Variants in ABCC4 observed in about 807,000 individuals in gnomAD.
ABCC4 encodes ATP-binding cassette sub-family C member 4.
Under a neutral mutation model 168.5 loss-of-function variants are expected in ABCC4, and 102 were observed. That is an observed-to-expected ratio of 0.61 (90% CI 0.52 to 0.71). The LOEUF is 0.71. Among genes scored for constraint, ABCC4 ranks in the 30% least tolerant of loss-of-function variants. The probability of loss-of-function intolerance (pLI) is 0.00; values close to 1 mark genes in which losing one functional copy is unlikely to be tolerated. For missense variants in ABCC4, 1,402 were observed against 1,605.8 expected (o/e 0.87, Z 2.17); for synonymous variants, 617 against 590.7 (o/e 1.04, Z -0.65).
At chr13:95,114,068 T>TAAC (rs1332131921) in intron 20 of ABCC4, among the ~76,000 whole-genome samples, 1 of 152,136 alleles carries the variant, frequency 6.6e-6, no homozygotes, top group Non-Finnish European at 1.5e-5. Context: ...TTGGAGACAA[T>TAAC]AACATTAGGA....
At chr13:95,026,410 C>T (rs1869257303) in intron 30 of ABCC4, among the ~76,000 whole-genome samples, 1 of 151,554 alleles carries the variant, frequency 6.6e-6, no homozygotes, top group Non-Finnish European at 1.5e-5. Context: ...AATAGCTTTA[C>T]AAAATAGACA....
chr13:95,118,235 CA>C (rs985565379), intron 19 of ABCC4, among the ~76,000 whole-genome samples: 1 of 142,638 alleles, frequency 7.0e-6, no homozygotes, highest in African/African-American at 2.6e-5. Context: ...CTGGTGTTTG[CA>C]AAAAGAATAA....
At chr13:95,226,834 G>A (rs1028203736) in intron 4 of ABCC4, among the ~76,000 whole-genome samples, 5 of 152,294 alleles carry the variant, frequency 3.3e-5, no homozygotes, top group Non-Finnish European at 4.4e-5. Context: ...CTACAAGTCC[G>A]AAGGAGTTAT....
intron 3 of ABCC4, among the ~76,000 whole-genome samples, chr13:95,241,119 C>T (rs2039929781): frequency 6.6e-6 from 1 of 152,028 alleles, no homozygotes; most frequent in Non-Finnish European, 1.5e-5. Flanking sequence ...AATCCCAGCA[C>T]TCTGGGAGGC....
At chr13:95,210,913 A>T in intron 4 of ABCC4, 132 bp from the exon 5 acceptor site, 1 of 568,600 alleles carries the variant, frequency 1.8e-6, no homozygotes, top group Non-Finnish European at 3.1e-6. Flanking sequence ...CCACCCCCCC[A>T]CTGCCCCCTC....
intron 13 of ABCC4, among the ~76,000 whole-genome samples, chr13:95,171,220 T>G (rs375187374): frequency 1.3e-5 from 2 of 151,578 alleles, no homozygotes; most frequent in Non-Finnish European, 2.9e-5. Flanking sequence ...CTCTCATTAG[T>G]CCTAAACAGT....
chr13:95,092,961 G>A (rs1413912867), intron 20 of ABCC4, among the ~76,000 whole-genome samples: 1 of 152,014 alleles, frequency 6.6e-6, no homozygotes, highest in East Asian at 1.9e-4. Context: ...ATAAATTCCT[G>A]GAAAAATACA....
intron 19 of ABCC4, among the ~76,000 whole-genome samples, chr13:95,149,307 G>C (rs1303184191): frequency 5.3e-5 from 8 of 152,120 alleles, no homozygotes; most frequent in Non-Finnish European, 8.8e-5. Context: ...GCACCAATAA[G>C]AAATACTTCT....
At chr13:95,146,924 C>A (rs1424171862) in intron 19 of ABCC4, among the ~76,000 whole-genome samples, 1 of 152,172 alleles carries the variant, frequency 6.6e-6, no homozygotes, top group Non-Finnish European at 1.5e-5. Flanking sequence ...TACAACAGAC[C>A]TCTAAAACAT....
chr13:95,053,870 A>G (rs9302044), intron 26 of ABCC4: 24,178 of 151,610 alleles, frequency 0.16, 2,219 homozygotes, highest in African/African-American at 0.25. Flanking sequence ...CCAGCTACTT[A>G]GGAGGCTGAG....
chr13:95,022,836 T>G (rs2031170529), intron 30 of ABCC4, among the ~76,000 whole-genome samples: 2 of 152,244 alleles, frequency 1.3e-5, no homozygotes, highest in Admixed American at 1.3e-4. Flanking sequence ...GTACTTTCTT[T>G]TTCTCTCACT....
intron 24 of ABCC4, among the ~76,000 whole-genome samples, chr13:95,072,477 C>CA (rs1381450723): frequency 1.3e-5 from 2 of 151,960 alleles, no homozygotes; most frequent in Non-Finnish European, 2.9e-5. Flanking sequence ...CCCTACCCCC[C>CA]AAAAAAGAAT....
In ABCC4 at chr13:95,047,311, T is replaced by G. The variant is rs531069241; in HGVS notation, c.3457-2873A>C. Among the ~76,000 whole-genome samples the G allele has an allele frequency of 2.9e-4, 44 of 152,262 alleles. No homozygotes were observed. In the South Asian group the frequency reaches 8.3e-3, roughly 29 times the overall value. On this transcript the variant is annotated intron_variant, in intron 27 of 30. Transcript: ENST00000645237. ...AATTAACTTGTAAATAAGACCATAC[T>G]AAGATTATTTTGAAGATGTTTATCT... is the stretch of plus-strand genomic sequence containing the variant.
In ABCC4 at chr13:95,071,809, T is replaced by C; in HGVS notation, c.3063A>G (p.Lys1021=). ...ERVIEYTDLE[K]EAPWEYQKRP... is the part of the protein sequence containing the mutation. ...GTTTCTGATATTCCCAAGGTGCTTC[T>C]TTTTCAAGGTCTGTGTATTCAATGA... is the stretch of plus-strand genomic sequence containing the variant. Residue 1021 remains lysine, a synonymous_variant, in exon 25 of 31, where the codon AAA becomes AAG. Transcript: ENST00000645237. 2 of 1,600,428 alleles carry C rather than the reference T, an allele frequency of 1.2e-6. No homozygotes were observed. Among genetic ancestry groups the C allele is most frequent in the Non-Finnish European group, 1.7e-6 (2 of 1,174,760 alleles).
chr13:95,204,972 C>T (rs1014192377), intron 8 of ABCC4, among the ~76,000 whole-genome samples: 54 of 152,142 alleles, frequency 3.5e-4, no homozygotes, highest in African/African-American at 1.2e-3. Context: ...ACATGTGGCC[C>T]TTCCGTCTGA....
At chr13:95,254,052 C>A (rs2040335257) in intron 1 of ABCC4, among the ~76,000 whole-genome samples, 1 of 152,180 alleles carries the variant, frequency 6.6e-6, no homozygotes, top group South Asian at 2.1e-4. Flanking sequence ...TGCTACCATG[C>A]CCGGCTATTT....
intron 20 of ABCC4, among the ~76,000 whole-genome samples, chr13:95,110,651 T>C (rs2035172026): frequency 1.3e-5 from 2 of 152,180 alleles, no homozygotes; most frequent in South Asian, 4.1e-4. Flanking sequence ...GATGCTGGCA[T>C]TGGTGCTGAT....
At chr13:95,142,500 G>C (rs180841743) in intron 19 of ABCC4, among the ~76,000 whole-genome samples, 1 of 151,868 alleles carries the variant, frequency 6.6e-6, no homozygotes, top group African/African-American at 2.4e-5. Context: ...TTGGGTGAAG[G>C]GTGCACCAAA....
chr13:95,250,331 G>A (rs1287869769), intron 1 of ABCC4, among the ~76,000 whole-genome samples: 2 of 152,070 alleles, frequency 1.3e-5, no homozygotes, highest in Non-Finnish European at 2.9e-5. Context: ...CAGCAGCATC[G>A]CTTCCCTCCT....
Sources: gnomAD v4.1 joint callset for allele counts (sites outside exome capture counted in the v4.1 genomes callset) on GRCh38, gnomAD v4.1.1 for gene constraint, MANE v1.5 for transcripts, NCBI Gene and HGNC (gene_info 2026-07-23, HGNC 2026-07-21) for gene names.